The following RASGRF2 variants were observed in gnomAD, a reference collection of about 807,000 sequenced individuals.
The protein encoded by RASGRF2 is Ras protein specific guanine nucleotide releasing factor 2.
A neutral mutation model predicts 151.0 loss-of-function variants in RASGRF2; 76 were observed. The observed-to-expected ratio is 0.50, with a 90% confidence interval of 0.42 to 0.61. The LOEUF (loss-of-function observed/expected upper bound fraction) is 0.61, where lower values mean the gene tolerates loss of function less well. Ranked by LOEUF, RASGRF2 falls within the 20% of genes least tolerant of loss-of-function variation. The probability of loss-of-function intolerance (pLI) is 0.00; values close to 1 mark genes in which losing one functional copy is unlikely to be tolerated. For synonymous variants in RASGRF2, 504 were observed against 566.5 expected (o/e 0.89, Z 1.57); for missense variants, 1,148 against 1,564.6 (o/e 0.73, Z 4.49).
chr5:81,004,490 C>T (rs1580192840), intron 1 of RASGRF2, among the ~76,000 whole-genome samples: 1 of 152,184 alleles, frequency 6.6e-6, no homozygotes. Flanking sequence ...GTGTGGCAGG[C>T]CATGAGGCTG....
In RASGRF2 at chr5:80,983,370, G is replaced by C. The variant is rs371805412; in HGVS notation, c.288+22344G>C. ...CCACCTGCTCTCATTGCGATGACTTGGGCTCTCTGCATGGTTGTGGGGCTC... is the reference window on the plus strand; with the variant it reads ...CCACCTGCTCTCATTGCGATGACTTCGGCTCTCTGCATGGTTGTGGGGCTC... On this transcript the variant is annotated intron_variant, in intron 1 of 26. Coordinates refer to ENST00000265080, the MANE Select transcript of RASGRF2 (RefSeq NM_006909.3). 2.0e-5 allele frequency among the ~76,000 whole-genome samples: 3 copies of C among 152,314 alleles called. No homozygotes were observed. The East Asian group carries it at 5.8e-4, about 29-fold the overall frequency.
chr5:81,105,517 A>C (rs552357271), intron 12 of RASGRF2, among the ~76,000 whole-genome samples: 1 of 152,234 alleles, frequency 6.6e-6, no homozygotes, highest in Non-Finnish European at 1.5e-5. Flanking sequence ...TCTGTTCTTG[A>C]TGGTGCAGTC....
intron 1 of RASGRF2, among the ~76,000 whole-genome samples, chr5:80,995,032 G>A (rs1022116137): frequency 6.6e-6 from 1 of 152,046 alleles, no homozygotes; most frequent in South Asian, 2.1e-4. Context: ...TGAGGTGGAT[G>A]GATCACGAGG....
intron 19 of RASGRF2, among the ~76,000 whole-genome samples, chr5:81,202,318 C>G (rs995159223): frequency 6.6e-6 from 1 of 152,204 alleles, no homozygotes; most frequent in African/African-American, 2.4e-5. Context: ...TTTACAACCT[C>G]TAGAAATGAC....
chr5:80,961,099 C>G, intron 1 of RASGRF2, 73 bp downstream of exon 1: 1 of 1,376,002 alleles, frequency 7.3e-7, no homozygotes, highest in Non-Finnish European at 9.4e-7. Context: ...ATCCGGGGAT[C>G]AGGGGTCGGG....
At chr5:80,963,172 G>A in intron 1 of RASGRF2, among the ~76,000 whole-genome samples, 1 of 152,184 alleles carries the variant, frequency 6.6e-6, no homozygotes, top group East Asian at 1.9e-4. Context: ...TTATCCAGTT[G>A]GTTACCTCTC....
chr5:81,119,606 G>T (rs10074112), intron 15 of RASGRF2, among the ~76,000 whole-genome samples: 5,345 of 152,268 alleles, frequency 0.035, 340 homozygotes, highest in African/African-American at 0.12. Flanking sequence ...ACTGACACAG[G>T]CTTCGAAGAC....
Position 81,145,142 on chromosome 5 carries a change from T to G in RASGRF2, c.2686+17979T>G, listed in dbSNP as rs576214759. ...CTGTAATCCCAGCTACTTAGGAGAA[T>G]TGCTTGAACCTGGGAGGTGGAGGTT... On this transcript the variant is annotated intron_variant, in intron 17 of 26. Transcript: ENST00000265080. 9.2e-5 allele frequency among the ~76,000 whole-genome samples: 14 copies of G among 152,166 alleles called. No homozygotes were observed. The South Asian group carries it at 2.9e-3, about 32-fold the overall frequency.
chr5:81,195,196 C>A (rs1290365345), intron 18 of RASGRF2, among the ~76,000 whole-genome samples: 1 of 151,654 alleles, frequency 6.6e-6, no homozygotes, highest in Non-Finnish European at 1.5e-5. Context: ...CACCCAGGGG[C>A]CCGCGCCAGA....
chr5:80,962,772 A>G (rs1396223536), intron 1 of RASGRF2, among the ~76,000 whole-genome samples: 4 of 152,248 alleles, frequency 2.6e-5, no homozygotes, highest in Non-Finnish European at 5.9e-5. Context: ...ATAAGGAAAC[A>G]TAACTTCCAA....
chr5:81,022,345 T>C (rs1283461173), intron 1 of RASGRF2, among the ~76,000 whole-genome samples: 1 of 152,172 alleles, frequency 6.6e-6, no homozygotes, highest in Non-Finnish European at 1.5e-5. Context: ...ACGGAGATGC[T>C]CAGGGAGGCT....
intron 18 of RASGRF2, chr5:81,183,445 T>A (rs1348767069): frequency 2.9e-6 from 1 of 340,260 alleles, no homozygotes; most frequent in African/African-American, 2.2e-5. Flanking sequence ...CTCCTAACTC[T>A]ACCCCATGTG....
chr5:81,057,107 A>G (rs965918698), intron 2 of RASGRF2, among the ~76,000 whole-genome samples: 7 of 152,182 alleles, frequency 4.6e-5, no homozygotes, highest in Non-Finnish European at 7.3e-5. Context: ...GTGTCTTTTA[A>G]TTGGAGCATT....
At chr5:81,031,485 A>G (rs1316910330) in intron 1 of RASGRF2, among the ~76,000 whole-genome samples, 1 of 152,244 alleles carries the variant, frequency 6.6e-6, no homozygotes, top group African/African-American at 2.4e-5. Context: ...AGAACTCAGG[A>G]TTAAGAAACT....
chr5:81,147,294 C>T (rs1421560985), intron 17 of RASGRF2, among the ~76,000 whole-genome samples: 1 of 152,010 alleles, frequency 6.6e-6, no homozygotes, highest in Non-Finnish European at 1.5e-5. Context: ...AACTTCGAAA[C>T]ACTTTCTTCC....
intron 1 of RASGRF2, among the ~76,000 whole-genome samples, chr5:81,038,567 CTTTTTTTTTTTTT>C: frequency 1.2e-5 from 1 of 83,906 alleles, no homozygotes; most frequent in East Asian, 3.3e-4. Context: ...TAAATATTTG[CTTTTTTTTTTTTT>C]TTTTTTTTTT....
At position 80,960,697 on chromosome 5, in the gene RASGRF2, G is replaced by C; in HGVS notation, c.-42G>C. 1.4e-6 allele frequency: 2 copies of C among 1,453,310 alleles called. No individual in the cohort carries two copies. The highest frequency in any genetic ancestry group is 9.2e-7 in the Non-Finnish European group (1 of 1,088,860). The allele number at this position is 1,453,310 out of a possible 1,614,324, so 90.0% of individuals were successfully genotyped here. On this transcript the variant is annotated 5_prime_UTR_variant, in exon 1 of 27. Transcript: ENST00000265080. This position sits in a 1 kb window ranked among gnomAD's most constrained non-coding sequence, Gnocchi z 5.5. ...AGCTGGGCCATGGCCGCGAGGCAGG[G>C]GTGAGACCGGCGGCCACCCGTGAGC...
intron 18 of RASGRF2, among the ~76,000 whole-genome samples, chr5:81,189,846 G>A (rs1755117528): frequency 1.3e-5 from 2 of 151,738 alleles, no homozygotes; most frequent in African/African-American, 2.4e-5. Flanking sequence ...CAAGTAGCTG[G>A]GATTACAGGC....
At chr5:80,961,365 T>C (rs932859028) in intron 1 of RASGRF2, among the ~76,000 whole-genome samples, 4 of 151,914 alleles carry the variant, frequency 2.6e-5, no homozygotes, top group African/African-American at 4.8e-5. Flanking sequence ...TCTGGTGACA[T>C]GTATTGACAC....
Sources: gnomAD v4.1 joint callset for allele counts (sites outside exome capture counted in the v4.1 genomes callset) on GRCh38, gnomAD v4.1.1 for gene constraint, Gnocchi (gnomAD v3.1) non-coding constraint, MANE v1.5 for transcripts, NCBI Gene and HGNC (gene_info 2026-07-23, HGNC 2026-07-21) for gene names.